INTS1: variants seen among roughly 807,000 people sequenced by gnomAD.
INTS1 encodes integrator complex subunit 1.
A neutral mutation model predicts 241.6 loss-of-function variants in INTS1; 137 were observed. The observed-to-expected ratio is 0.57, with a 90% confidence interval of 0.49 to 0.65. The LOEUF (loss-of-function observed/expected upper bound fraction) is 0.65. INTS1 is among the 30% of genes least tolerant of loss of function. The probability of loss-of-function intolerance (pLI) is 0.00; values close to 1 mark genes in which losing one functional copy is unlikely to be tolerated. For missense variants in INTS1, 3,073 were observed against 3,032.2 expected (o/e 1.01, Z -0.32); for synonymous variants, 1,692 against 1,337.8 (o/e 1.26, Z -5.78).
chr7:1,500,468 C>T lies in INTS1; in HGVS notation c.350-102G>A, dbSNP rs529385676. Reference sequence around the variant, plus strand: ...ACGAGGAACCCAGAGCTCTCAGGGTCGGCCCTGCCAGGGACCAGCGATCCA... The same window carrying T: ...ACGAGGAACCCAGAGCTCTCAGGGTTGGCCCTGCCAGGGACCAGCGATCCA... On this transcript the variant is annotated intron_variant, in intron 3 of 47. Transcript: ENST00000404767. 7.1e-5 allele frequency: 92 copies of T among 1,294,128 alleles called. 1 individual carries two copies. The South Asian group carries it at 1.2e-3, about 17-fold the overall frequency. The allele number at this position is 1,294,128 out of a possible 1,614,324, so 80.2% of individuals were successfully genotyped here.
At chr7:1,503,639 A>G (rs1305627023) in intron 2 of INTS1, among the ~76,000 whole-genome samples, 1 of 151,984 alleles carries the variant, frequency 6.6e-6, no homozygotes, top group Non-Finnish European at 1.5e-5. Flanking sequence ...GGCTGGGGAG[A>G]CCTTCCGCTA....
Position 1,497,404 on chromosome 7 carries a change from C to T in INTS1, c.1426-90G>A, listed in dbSNP as rs1782916708. The T allele has an allele frequency of 1.8e-5, 25 of 1,384,018 alleles. No individual in the cohort carries two copies. Among genetic ancestry groups the T allele is most frequent in the Non-Finnish European group, 2.0e-5 (21 of 1,029,848 alleles). 85.7% of individuals were successfully genotyped at this position (1,384,018 alleles called of 1,614,324 possible). On this transcript the variant is annotated intron_variant, in intron 10 of 47. Transcript: ENST00000404767. The surrounding 1 kb of genome is among the most constrained non-coding windows in gnomAD (Gnocchi z 5.3). ...CCGCAGCACCAACAGGTATGGCGCCCGAGGGCGCTGCAGTGGGTCTCAGAC... is the reference window on the plus strand; with the variant it reads ...CCGCAGCACCAACAGGTATGGCGCCTGAGGGCGCTGCAGTGGGTCTCAGAC...
chr7:1,478,975 T>C, intron 31 of INTS1, 90 bp from the exon 32 acceptor site: 1 of 1,414,906 alleles, frequency 7.1e-7, no homozygotes, highest in East Asian at 2.5e-5. Flanking sequence ...GTGAGGCTGC[T>C]GAGACCTGCC....
At chr7:1,503,513 G>A (rs975804859) in intron 2 of INTS1, among the ~76,000 whole-genome samples, 7 of 152,216 alleles carry the variant, frequency 4.6e-5, no homozygotes, top group Admixed American at 2.0e-4. Context: ...ACACAGAGAG[G>A]TTAAGCGACG....
In INTS1 at chr7:1,493,444, A is replaced by G. The variant is rs1304997534; in HGVS notation, c.2068+310T>C. On this transcript the variant is annotated intron_variant, in intron 15 of 47. Coordinates refer to ENST00000404767, the MANE Select transcript of INTS1 (RefSeq NM_001080453.3). The surrounding 1 kb of genome is among the most constrained non-coding windows in gnomAD (Gnocchi z 5.3). ...CGCGAGCTGGATTTACAATCATTCTACCTGTCGCCTAAAGGAGGTGACAGA... is the reference window on the plus strand; with the variant it reads ...CGCGAGCTGGATTTACAATCATTCTGCCTGTCGCCTAAAGGAGGTGACAGA... Among the ~76,000 whole-genome samples, 1 of 152,126 alleles carries G rather than the reference A, an allele frequency of 6.6e-6. No homozygotes were observed. The highest frequency in any genetic ancestry group is 2.4e-5 in the African/African-American group (1 of 41,416).
rs754368707 is a variant in INTS1, at chr7:1,476,574, G to C, written c.5147C>G (p.Pro1716Arg). ...RIWQGRDQRT[P>R]QKRREELVLR... ...GGCCACCCTCCCAAGACCTGCCTGC[G>C]GGGTGCGCTGGTCCCGCCCCTGCCA... The change falls in exon 37 of 48, where the codon CCG (proline) becomes CGG (arginine). Residue 1716 changes from proline to arginine, a missense_variant. Coordinates refer to ENST00000404767, the MANE Select transcript of INTS1 (RefSeq NM_001080453.3). The C allele has an allele frequency of 2.0e-6, 3 of 1,494,894 alleles. No individual in the cohort carries two copies. Among genetic ancestry groups the C allele is most frequent in the South Asian group, 1.2e-5 (1 of 84,668 alleles). The allele number at this position is 1,494,894 out of a possible 1,614,324, so 92.6% of individuals were successfully genotyped here.
At position 1,474,353 on chromosome 7, in the gene INTS1, G is replaced by T; in HGVS notation, c.5644C>A (p.Pro1882Thr). 6.3e-7 allele frequency: 1 copy of T among 1,591,786 alleles called. No homozygotes were observed. ...CCGTGCAGGAGCGCCGCGATCATGG[G>T]CAGGTGCCTGCGGGCGCGGTGAGGG... ...AHPLLLLRHL[P>T]MIAALLHGRT... is the part of the protein sequence containing the mutation. Residue 1882 changes from proline (P) to threonine (T), a missense_variant, in exon 41 of 48, where the codon CCC becomes ACC. Pro to Thr is a conservative substitution (Grantham distance 38, BLOSUM62 -1). Transcript: ENST00000404767.
intron 22 of INTS1, 58 bp from the exon 23 acceptor site, chr7:1,485,527 C>G: frequency 1.9e-6 from 3 of 1,557,252 alleles, no homozygotes; most frequent in Non-Finnish European, 1.7e-6. Context: ...GGGTCTCACC[C>G]TGGCCCCGGG....
At chr7:1,477,731 C>T (rs374362739) in intron 34 of INTS1, 22 bp downstream of exon 34, 107 of 1,610,034 alleles carry the variant, frequency 6.6e-5, no homozygotes, top group East Asian at 2.7e-4. Flanking sequence ...CCACCCTGGC[C>T]GTGTGCAGCA....
Position 1,470,645 on chromosome 7 carries a change from C to T in INTS1, c.6505G>A (p.Gly2169Ser), listed in dbSNP as rs777827501. 2.4e-5 allele frequency: 38 copies of T among 1,586,146 alleles called. No individual in the cohort carries two copies. Among genetic ancestry groups the T allele is most frequent in the Admixed American group, 7.0e-5 (4 of 57,074 alleles). Residue 2169 changes from glycine (G) to serine (S), a missense_variant, in exon 48 of 48, where the codon GGC becomes AGC. Physicochemically the swap from Gly to Ser is moderately conservative, Grantham distance 56 (BLOSUM62 0). Coordinates refer to ENST00000404767, the MANE Select transcript of INTS1 (RefSeq NM_001080453.3). ...LHRAFLVGMY[G>S]QMDPSAQISE... ...ATCTGCGCGCTGGGGTCCATCTGGC[C>T]GTACATGCCCACCAGGAAGGCCCGG... is the stretch of plus-strand genomic sequence containing the variant.
rs759151558 is a variant in INTS1, at chr7:1,481,334, C to T, written c.3850+8G>A. On this transcript the variant is annotated splice_region_variant and intron_variant, in intron 28 of 47. Coordinates refer to ENST00000404767, the MANE Select transcript of INTS1 (RefSeq NM_001080453.3). The surrounding 1 kb of genome is among the most constrained non-coding windows in gnomAD (Gnocchi z 6.8). ...GTGAACCCACTCCGCAGGTCCCTGG[C>T]ATCTTACTCTTGTCCATGATGTTCT... The T allele has an allele frequency of 6.2e-7, 1 of 1,612,790 alleles. No individual in the cohort carries two copies. Among genetic ancestry groups the T allele is most frequent in the Non-Finnish European group, 8.5e-7 (1 of 1,179,712 alleles).
chr7:1,500,226 G>C lies in INTS1; in HGVS notation c.490C>G (p.Leu164Val). Residue 164 changes from leucine to valine, a missense_variant, in exon 4 of 48, where the codon CTC becomes GTC. Physicochemically the swap from Leu to Val is conservative, Grantham distance 32. Coordinates refer to ENST00000404767, the MANE Select transcript of INTS1 (RefSeq NM_001080453.3). ...GGCTTGATCTTGGCCAGGTACATGA[G>C]GCTCAGGTAGAGGGTGCTGTCAGGC... ...AKPDSTLYLS[L>V]MYLAKIKPNI... 6.2e-7 allele frequency: 1 copy of C among 1,605,458 alleles called. No homozygotes were observed. The highest frequency in any genetic ancestry group is 8.5e-7 in the Non-Finnish European group (1 of 1,175,198).
In INTS1 at chr7:1,477,815, G is replaced by C; in HGVS notation, c.4752C>G (p.Ser1584Arg). ...GCTCCTCCTCCTGCAGCAGCAGGGA[G>C]CTCACCACCACAACGGGCTTACAGG... The part of the protein sequence containing the change: ...FPACKPVVVV[S>R]SLLLQEEEPL... Residue 1584 changes from serine (S) to arginine (R), a missense_variant, in exon 34 of 48, where the codon AGC becomes AGG. Physicochemically the swap from Ser to Arg is moderately radical, Grantham distance 110. Transcript: ENST00000404767. 1 of 1,612,606 alleles carries C rather than the reference G, an allele frequency of 6.2e-7. No homozygotes were observed. The highest frequency in any genetic ancestry group is 1.1e-5 in the South Asian group (1 of 91,086).
intron 22 of INTS1, 110 bp downstream of exon 22, chr7:1,486,515 T>C: frequency 7.9e-7 from 1 of 1,265,568 alleles, no homozygotes; most frequent in Non-Finnish European, 1.1e-6. Context: ...TCTGCCTGCC[T>C]TGGCCTCCCA....
intron 9 of INTS1, 46 bp from the exon 10 acceptor site, chr7:1,498,599 C>A (rs1302196146): frequency 1.3e-6 from 2 of 1,597,132 alleles, no homozygotes; most frequent in Non-Finnish European, 1.7e-6. Context: ...ACGCCTGTGC[C>A]CCCACTCCGC....
At position 1,499,582 on chromosome 7, in the gene INTS1, G is replaced by A. The variant is rs114379340; in HGVS notation, c.735C>T (p.His245=). ...GGATGTTGTCCACAAACGTCTTACA[G>A]TGAGGGCTGTCCACCCAGATCCGCT... The part of the protein sequence containing the change: ...LGERIWVDSP[H]CKTFVDNIQT... The change falls in exon 6 of 48, where the codon CAC becomes CAT. Residue 245 remains histidine, a synonymous_variant. Coordinates refer to ENST00000404767, the MANE Select transcript of INTS1 (RefSeq NM_001080453.3). 1.4e-3 allele frequency: 2,336 copies of A among 1,613,448 alleles called. 27 individuals are homozygous for A. The African/African-American group carries it at 0.028, about 19-fold the overall frequency.
chr7:1,485,725 C>T (rs774323694), intron 22 of INTS1, among the ~76,000 whole-genome samples: 1 of 152,258 alleles, frequency 6.6e-6, no homozygotes, highest in Non-Finnish European at 1.5e-5. Context: ...CGGCAGGGTC[C>T]ACCTTCACGT....
rs777784092 is a variant in INTS1 at position 1,476,846 on chromosome 7, G to T, written c.5011C>A (p.Pro1671Thr). The T allele has an allele frequency of 3.7e-6, 6 of 1,612,966 alleles. No individual in the cohort carries two copies. The South Asian group carries it at 6.6e-5, about 18-fold the overall frequency. The change falls in exon 36 of 48, where the codon CCC becomes ACC. Residue 1671 changes from proline (P) to threonine (T), a missense_variant. Coordinates refer to ENST00000404767, the MANE Select transcript of INTS1 (RefSeq NM_001080453.3). The part of the protein sequence containing the change: ...LTLFTHQSSW[P>T]TLHQCIRVLL... Reference sequence around the variant, plus strand: ...ACTCGGATGCACTGGTGCAGTGTGGGCCAGCTGGACTGATGCGTGAAGAGG... The same window carrying T: ...ACTCGGATGCACTGGTGCAGTGTGGTCCAGCTGGACTGATGCGTGAAGAGG...
intron 6 of INTS1, 31 bp downstream of exon 6, chr7:1,499,442 C>A (rs752341237): frequency 2.6e-6 from 4 of 1,555,160 alleles, no homozygotes; most frequent in African/African-American, 2.7e-5. Flanking sequence ...GGCTTGGACA[C>A]CCGCCCTCTC....
Sources: allele counts gnomAD v4.1 joint callset (sites outside exome capture counted in the v4.1 genomes callset), GRCh38; gene constraint gnomAD v4.1.1; non-coding constraint Gnocchi (gnomAD v3.1); transcripts MANE v1.5; gene names NCBI Gene and HGNC (gene_info 2026-07-23, HGNC 2026-07-21).